NR1H4: variants seen among roughly 807,000 people sequenced by gnomAD.
NR1H4 encodes the protein bile acid receptor.
In NR1H4, 23 loss-of-function variants were observed where a neutral mutation model predicts 58.5. The observed-to-expected ratio is 0.39, with a 90% CI of 0.28 to 0.56. The LOEUF (loss-of-function observed/expected upper bound fraction) is 0.56, where lower values mean the gene tolerates loss of function less well. NR1H4 is among the 20% of genes least tolerant of loss of function. NR1H4 has a pLI of 0.58. For missense variants in NR1H4, 487 were observed against 576.9 expected (o/e 0.84, Z 1.60); for synonymous variants, 214 against 198.0 (o/e 1.08, Z -0.68).
At chr12:100,493,599 T>C (rs1318827661) in intron 3 of NR1H4, among the ~76,000 whole-genome samples, 197 bp downstream of exon 3, 25 of 152,218 alleles carry the variant, frequency 1.6e-4, no homozygotes, top group Admixed American at 1.6e-3. Context: ...ATGGTCTTCA[T>C]TTTTATAGAT....
chr12:100,479,766 C>T (rs1219584212), intron 1 of NR1H4, among the ~76,000 whole-genome samples: 1 of 152,264 alleles, frequency 6.6e-6, no homozygotes, highest in Admixed American at 6.5e-5. Context: ...TATAGCCCCT[C>T]CTTGGCTCAC....
intron 9 of NR1H4, among the ~76,000 whole-genome samples, chr12:100,549,323 G>A (rs1229013205): frequency 6.6e-6 from 1 of 152,124 alleles, no homozygotes; most frequent in Non-Finnish European, 1.5e-5. Context: ...GGGCAACAGA[G>A]TGAGACTCCA....
intron 1 of NR1H4, among the ~76,000 whole-genome samples, chr12:100,480,027 A>G (rs1360419363): frequency 2.0e-5 from 3 of 152,120 alleles, no homozygotes; most frequent in Non-Finnish European, 4.4e-5. Flanking sequence ...AAATCCTATT[A>G]TTTGTTGACT....
rs531994362 is a variant in NR1H4, at chr12:100,553,245, G to A, written c.1079-8640G>A. ...GATCTCTTGACCTTGTGATCCGCCCGCCTTGGCCTCCCAAAGTGCTGGGAT... is the reference window on the plus strand; with the variant it reads ...GATCTCTTGACCTTGTGATCCGCCCACCTTGGCCTCCCAAAGTGCTGGGAT... On this transcript the variant is annotated intron_variant, in intron 9 of 10. Transcript: ENST00000392986. Among the ~76,000 whole-genome samples the A allele has an allele frequency of 7.9e-5, 12 of 152,218 alleles. No individual in the cohort carries two copies. In the East Asian group the frequency reaches 1.7e-3, roughly 22 times the overall value.
At chr12:100,545,773 T>C (rs141644770) in intron 9 of NR1H4, among the ~76,000 whole-genome samples, 8 of 152,028 alleles carry the variant, frequency 5.3e-5, no homozygotes, top group Non-Finnish European at 1.2e-4. Flanking sequence ...TATCAGTGTT[T>C]GTGTGAGCTT....
intron 4 of NR1H4, among the ~76,000 whole-genome samples, chr12:100,527,964 T>C (rs111583016): frequency 0.01 from 1,548 of 152,316 alleles, 23 homozygotes; most frequent in African/African-American, 0.035. Context: ...TTTAGAACAG[T>C]GCCTGGCACA....
In NR1H4 at chr12:100,540,525, A is replaced by G. The variant is rs184916869; in HGVS notation, c.932-147A>G. The G allele has an allele frequency of 3.7e-4, 293 of 797,186 alleles. 1 individual carries two copies. In the African/African-American group the frequency reaches 4.1e-3, roughly 11 times the overall value. The allele number at this position is 797,186 out of a possible 1,614,324, so 49.4% of individuals were successfully genotyped here. A position where few individuals can be genotyped will look rare whatever the true frequency, so the allele number is the denominator to read the frequency against. The stretch of plus-strand genomic sequence containing the variant: ...CAATGAAGATAAAAGCCTCTATTTT[A>G]TTGGCGAGTACAAATGGACTCAACT... On this transcript the variant is annotated intron_variant, in intron 8 of 10. Coordinates refer to ENST00000392986, the MANE Select transcript of NR1H4 (RefSeq NM_001206979.2).
intron 8 of NR1H4, among the ~76,000 whole-genome samples, chr12:100,537,765 G>A (rs1954846792): frequency 6.6e-6 from 1 of 152,228 alleles, no homozygotes; most frequent in South Asian, 2.1e-4. Context: ...CCAGGCTGGA[G>A]TGCAATGGCA....
chr12:100,490,058 G>A (rs567606967), intron 1 of NR1H4, among the ~76,000 whole-genome samples: 1 of 152,130 alleles, frequency 6.6e-6, no homozygotes, highest in Non-Finnish European at 1.5e-5. Context: ...AAGCTTTTGT[G>A]CCAATAGGGC....
intron 4 of NR1H4, among the ~76,000 whole-genome samples, chr12:100,527,116 A>G (rs1166053036): frequency 6.6e-6 from 1 of 152,212 alleles, no homozygotes; most frequent in Admixed American, 6.5e-5. Context: ...GACGGTAACA[A>G]ATTTGTTATG....
At chr12:100,478,339 A>C (rs1190964954) in intron 1 of NR1H4, among the ~76,000 whole-genome samples, 1 of 152,218 alleles carries the variant, frequency 6.6e-6, no homozygotes, top group Admixed American at 6.5e-5. Flanking sequence ...ATTTTTGTTG[A>C]AGCTCAAAAA....
chr12:100,492,668 A>G (rs560804530), intron 2 of NR1H4, 31 bp downstream of exon 2: 1 of 152,282 alleles, frequency 6.6e-6, no homozygotes, highest in Non-Finnish European at 1.5e-5. Flanking sequence ...TCTTCTTACT[A>G]TATCTTTTTA....
At chr12:100,480,611 T>TC (rs1953358248) in intron 1 of NR1H4, among the ~76,000 whole-genome samples, 1 of 152,104 alleles carries the variant, frequency 6.6e-6, no homozygotes, top group South Asian at 2.1e-4. Context: ...CCTCAGATCA[T>TC]CCCCCAATCC....
chr12:100,499,245 A>G (rs1434480692), intron 3 of NR1H4, among the ~76,000 whole-genome samples: 1 of 152,238 alleles, frequency 6.6e-6, no homozygotes, highest in Non-Finnish European at 1.5e-5. Context: ...CATCTCACTG[A>G]GTTCAACTCA....
chr12:100,484,645 A>C (rs1220468901), intron 1 of NR1H4, among the ~76,000 whole-genome samples: 1 of 152,082 alleles, frequency 6.6e-6, no homozygotes, highest in Non-Finnish European at 1.5e-5. Flanking sequence ...TGCTGTACAC[A>C]AGTTCCTTCC....
chr12:100,526,253 G>A (rs1304184588), intron 4 of NR1H4, among the ~76,000 whole-genome samples: 2 of 150,320 alleles, frequency 1.3e-5, no homozygotes, highest in Non-Finnish European at 3.0e-5. Context: ...TAAAGTGGAA[G>A]CTTAGATTAT....
intron 3 of NR1H4, among the ~76,000 whole-genome samples, chr12:100,507,946 A>G (rs541410967): frequency 9.2e-5 from 14 of 152,292 alleles, no homozygotes; most frequent in African/African-American, 3.4e-4. Flanking sequence ...AATGTTCATA[A>G]ACTATTAGTC....
intron 9 of NR1H4, among the ~76,000 whole-genome samples, chr12:100,560,293 A>G (rs1298335626): frequency 5.3e-5 from 8 of 152,172 alleles, no homozygotes. Context: ...CGCATTGGCA[A>G]CCCACTCGGG....
intron 4 of NR1H4, among the ~76,000 whole-genome samples, chr12:100,518,665 A>G (rs1299434591): frequency 2.6e-5 from 4 of 152,188 alleles, no homozygotes; most frequent in Non-Finnish European, 5.9e-5. Context: ...ACTGGAGTGC[A>G]AAGGCAGCCA....
Sources: gnomAD v4.1 joint callset for allele counts (sites outside exome capture counted in the v4.1 genomes callset) on GRCh38, gnomAD v4.1.1 for gene constraint, MANE v1.5 for transcripts, NCBI Gene and HGNC (gene_info 2026-07-23, HGNC 2026-07-21) for gene names.